ZNF133: variants seen among roughly 807,000 people sequenced by gnomAD.
The protein encoded by ZNF133 is zinc finger protein 133 (clone pHZ-13).
In ZNF133, 26 loss-of-function variants were observed where a neutral mutation model predicts 54.9. The observed-to-expected ratio is 0.47, with a 90% CI of 0.35 to 0.66. ZNF133 has a LOEUF of 0.66. Among genes scored for constraint, ZNF133 ranks in the 30% least tolerant of loss-of-function variants. The pLI is 0.01. For synonymous variants in ZNF133, 298 were observed against 320.3 expected (o/e 0.93, Z 0.74); for missense variants, 653 against 820.8 (o/e 0.80, Z 2.50).
Position 18,290,419 on chromosome 20 carries a change from C to G in ZNF133, c.-432+1815C>G, listed in dbSNP as rs191002837. On this transcript the variant is annotated intron_variant, in intron 1 of 6. Coordinates refer to ENST00000425686, the MANE Select transcript of ZNF133 (RefSeq NM_001352452.2). ...CCCTGCTAGAGTTTTGGCAGCAAAT[C>G]CCAGTTATATCATTTCACCTGGGAA... Among the ~76,000 whole-genome samples the G allele has an allele frequency of 1.5e-3, 230 of 152,288 alleles. 1 individual carries two copies. Among genetic ancestry groups the G allele is most frequent in the African/African-American group, 5.2e-3 (217 of 41,554 alleles).
intron 1 of ZNF133, among the ~76,000 whole-genome samples, chr20:18,296,383 C>T (rs2042242647): frequency 6.6e-6 from 1 of 152,112 alleles, no homozygotes; most frequent in African/African-American, 2.4e-5. Context: ...ACCATCACCA[C>T]TATCTATCTC....
At chr20:18,293,747 AAG>A (rs1226791642) in intron 1 of ZNF133, among the ~76,000 whole-genome samples, 3 of 152,212 alleles carry the variant, frequency 2.0e-5, no homozygotes, top group Non-Finnish European at 2.9e-5. Flanking sequence ...TTTAGAATGA[AAG>A]GGGGAAAAAG....
In ZNF133 at chr20:18,315,879, G is replaced by C; in HGVS notation, c.1028G>C (p.Arg343Thr). ...KGFSQKSAVV[R>T]HQRTHLEEKT... ...TTCAGCCAGAAGTCAGCTGTCGTGA[G>C]ACACCAGAGGACACACTTGGAGGAG... The change falls in exon 7 of 7, where the codon AGA becomes ACA. Residue 343 changes from arginine to threonine, a missense_variant. Physicochemically the swap from Arg to Thr is moderately conservative, Grantham distance 71. Transcript: ENST00000425686. 1 of 1,613,760 alleles carries C rather than the reference G, an allele frequency of 6.2e-7. No homozygotes were observed. Among genetic ancestry groups the C allele is most frequent in the Non-Finnish European group, 8.5e-7 (1 of 1,179,942 alleles).
intron 1 of ZNF133, among the ~76,000 whole-genome samples, chr20:18,289,180 G>A (rs1159804049): frequency 6.6e-6 from 1 of 152,050 alleles, no homozygotes; most frequent in African/African-American, 2.4e-5. Flanking sequence ...CCATTTTGCC[G>A]CGATCTTAGG....
At position 18,315,793 on chromosome 20, in the gene ZNF133, C is replaced by T. The variant is rs372082278; in HGVS notation, c.942C>T (p.Ile314=). 9.3e-6 allele frequency: 15 copies of T among 1,612,968 alleles called. No individual in the cohort carries two copies. Among genetic ancestry groups the T allele is most frequent in the South Asian group, 6.6e-5 (6 of 91,016 alleles). The change falls in exon 7 of 7, where the codon ATC becomes ATT. Residue 314 remains isoleucine (I), a synonymous_variant. Coordinates refer to ENST00000425686, the MANE Select transcript of ZNF133 (RefSeq NM_001352452.2). ...GCTTCAGCCAGAAGTCAAACCTCAT[C>T]ATACACCAGAGGACACACTCAGGGG... ...GRGFSQKSNL[I]IHQRTHSGEK...
intron 3 of ZNF133, among the ~76,000 whole-genome samples, chr20:18,299,219 G>T (rs2042861599): frequency 1.3e-5 from 2 of 152,042 alleles, no homozygotes; most frequent in Non-Finnish European, 1.5e-5. Context: ...AGAAAATAAT[G>T]TAAGAACAAC....
At chr20:18,294,994 T>C (rs2041940616) in intron 1 of ZNF133, 2 of 152,336 alleles carry the variant, frequency 1.3e-5, no homozygotes, top group South Asian at 4.1e-4. Flanking sequence ...ATGAGAACTT[T>C]TCCCTTTAGT....
Position 18,316,912 on chromosome 20 carries a change from G to C in ZNF133, c.*96G>C. ...TTCTGTAAGTGGTCAAAGGACATTT[G>C]ACTGTTTACTTTCTCCACACTAAGT... On this transcript the variant is annotated 3_prime_UTR_variant, in exon 7 of 7. Coordinates refer to ENST00000425686, the MANE Select transcript of ZNF133 (RefSeq NM_001352452.2). 1 of 1,411,486 alleles carries C rather than the reference G, an allele frequency of 7.1e-7. No individual in the cohort carries two copies. The highest frequency in any genetic ancestry group is 9.4e-7 in the Non-Finnish European group (1 of 1,058,930). The allele number at this position is 1,411,486 out of a possible 1,614,324, so 87.4% of individuals were successfully genotyped here.
At chr20:18,314,941 T>A in intron 6 of ZNF133, 128 bp from the exon 7 acceptor site, 2 of 863,746 alleles carry the variant, frequency 2.3e-6, no homozygotes. Context: ...GAGTAGGCCA[T>A]GTAAAGGAAG....
rs1326953064 is a variant in ZNF133, at chr20:18,316,514, T to A, written c.1663T>A (p.Cys555Ser). The A allele has an allele frequency of 1.9e-6, 3 of 1,613,928 alleles. No homozygotes were observed. The highest frequency in any genetic ancestry group is 1.7e-5 in the Admixed American group (1 of 60,002). The stretch of plus-strand genomic sequence containing the variant: ...GGAGAAGCCCTACATGTGCAGGCAG[T>A]GTGGACTGGGCTTTGGCAATAAGTC... ...SREKPYMCRQ[C>S]GLGFGNKSAL... Residue 555 changes from cysteine to serine, a missense_variant, in exon 7 of 7, where the codon TGT becomes AGT. Physicochemically the swap from Cys to Ser is moderately radical, Grantham distance 112. This residue lies in a region of ZNF133 where 129 missense variants were observed against 138.5 expected (regional missense o/e 0.93). Coordinates refer to ENST00000425686, the MANE Select transcript of ZNF133 (RefSeq NM_001352452.2).
At chr20:18,291,761 G>A (rs1043243815) in intron 1 of ZNF133, among the ~76,000 whole-genome samples, 16 of 150,304 alleles carry the variant, frequency 1.1e-4, no homozygotes, top group Non-Finnish European at 2.2e-4. Flanking sequence ...CGCCCAGGCT[G>A]GAGTGCAGTG....
intron 3 of ZNF133, among the ~76,000 whole-genome samples, chr20:18,301,626 C>T (rs1022237443): frequency 1.3e-5 from 2 of 152,178 alleles, no homozygotes; most frequent in Non-Finnish European, 2.9e-5. Flanking sequence ...TACAAGAGAA[C>T]TATAAATTGT....
At chr20:18,295,833 T>C (rs982680946) in intron 1 of ZNF133, among the ~76,000 whole-genome samples, 2 of 152,104 alleles carry the variant, frequency 1.3e-5, no homozygotes, top group Non-Finnish European at 2.9e-5. Flanking sequence ...GGCTATTTTT[T>C]AAAATTTTTT....
chr20:18,307,058 C>CT (rs35491043), intron 6 of ZNF133, among the ~76,000 whole-genome samples: 49,557 of 151,924 alleles, frequency 0.33, 10,221 homozygotes, highest in African/African-American at 0.58. Flanking sequence ...CAATCACCCC[C>CT]CCTCCCAACA....
At chr20:18,290,160 CCAGGGAT>C (rs2040621236) in intron 1 of ZNF133, 1 of 152,202 alleles carries the variant, frequency 6.6e-6, no homozygotes. Flanking sequence ...AATGTCCCAT[CCAGGGAT>C]CAGGGCCCCA....
intron 1 of ZNF133, among the ~76,000 whole-genome samples, chr20:18,291,661 A>C (rs964596074): frequency 1.3e-5 from 2 of 151,006 alleles, no homozygotes; most frequent in African/African-American, 4.9e-5. Flanking sequence ...TCTGTGTGCA[A>C]CTCACATCCT....
chr20:18,300,997 A>G (rs544544329), intron 3 of ZNF133, among the ~76,000 whole-genome samples: 7 of 152,274 alleles, frequency 4.6e-5, no homozygotes, highest in Non-Finnish European at 1.0e-4. Flanking sequence ...CAAAAATAGA[A>G]TACACGTTCT....
intron 1 of ZNF133, among the ~76,000 whole-genome samples, chr20:18,295,799 C>A (rs564859074): frequency 1.3e-5 from 2 of 152,002 alleles, no homozygotes; most frequent in African/African-American, 4.8e-5. Context: ...TGGGACCATA[C>A]GGGTGTGTGT....
In ZNF133 at chr20:18,305,841, A is replaced by G; in HGVS notation, c.121+34A>G. 6.3e-7 allele frequency: 1 copy of G among 1,576,252 alleles called. No homozygotes were observed. The highest frequency in any genetic ancestry group is 8.6e-7 in the Non-Finnish European group (1 of 1,159,096). On this transcript the variant is annotated intron_variant, in intron 5 of 6. Coordinates refer to ENST00000425686, the MANE Select transcript of ZNF133 (RefSeq NM_001352452.2). This position sits in a 1 kb window ranked among gnomAD's most constrained non-coding sequence, Gnocchi z 4.7. ...GATATCTGTTAGGATTCCCATTCTT[A>G]TTGCTGGGAATTTTAGGCTATGCTT...
Sources: allele counts gnomAD v4.1 joint callset (sites outside exome capture counted in the v4.1 genomes callset), GRCh38; gene constraint gnomAD v4.1.1; regional missense constraint gnomAD v4.1.1; non-coding constraint Gnocchi (gnomAD v3.1); transcripts MANE v1.5; gene names NCBI Gene and HGNC (gene_info 2026-07-23, HGNC 2026-07-21).